The following LIPA variants were observed in gnomAD, a reference collection of about 807,000 sequenced individuals.
LIPA encodes the protein lysosomal acid lipase/cholesteryl ester hydrolase.
Under a neutral mutation model 40.6 loss-of-function variants are expected in LIPA, and 26 were observed. The ratio of observed to expected loss-of-function variants is 0.64; its 90% CI spans 0.47 to 0.89. The LOEUF (loss-of-function observed/expected upper bound fraction) is 0.89. LIPA is among the 40% of genes least tolerant of loss of function. The pLI, the probability that LIPA is intolerant of heterozygous loss-of-function variation, is 0.00. For synonymous variants in LIPA, 188 were observed against 168.4 expected (o/e 1.12, Z -0.90); for missense variants, 455 against 479.6 (o/e 0.95, Z 0.48).
intron 1 of LIPA, among the ~76,000 whole-genome samples, chr10:89,334,458 T>C (rs1843698311): frequency 1.3e-5 from 2 of 150,072 alleles, no homozygotes; most frequent in Non-Finnish European, 1.5e-5. Flanking sequence ...TATTCTGTTT[T>C]TTCTTCTTTT....
intron 2 of LIPA, chr10:89,403,175 CCAAA>C (rs1844467240): frequency 6.2e-7 from 1 of 1,613,756 alleles, no homozygotes; most frequent in East Asian, 2.2e-5. Context: ...CACAAATGAT[CCAAA>C]TCAAGGAGGC....
chr10:89,260,179 T>A (rs1330800928), intron 1 of LIPA, among the ~76,000 whole-genome samples: 2 of 152,200 alleles, frequency 1.3e-5, no homozygotes, highest in Non-Finnish European at 2.9e-5. Context: ...AACAGAGGTG[T>A]TTTCCGTTTC....
At chr10:89,402,464 C>A (rs201864858) in intron 2 of LIPA, 13 of 1,614,052 alleles carry the variant, frequency 8.1e-6, no homozygotes, top group Admixed American at 1.7e-5. Context: ...ATGTGAAACA[C>A]CTGAAAGGCC....
At chr10:89,365,723 CT>C (rs1844052218) in intron 2 of LIPA, among the ~76,000 whole-genome samples, 1 of 152,120 alleles carries the variant, frequency 6.6e-6, no homozygotes, top group Admixed American at 6.5e-5. Flanking sequence ...TTCCCCATTG[CT>C]TGTTTTTGTC....
At chr10:89,352,795 A>G (rs1411300079) in intron 2 of LIPA, among the ~76,000 whole-genome samples, 4 of 150,790 alleles carry the variant, frequency 2.7e-5, no homozygotes, top group Admixed American at 6.6e-5. Flanking sequence ...AGATAAAAAA[A>G]AAAAAAAAAA....
chr10:89,386,039 A>G (rs1371474174), intron 2 of LIPA, among the ~76,000 whole-genome samples: 1 of 152,170 alleles, frequency 6.6e-6, no homozygotes, highest in Non-Finnish European at 1.5e-5. Flanking sequence ...ATTTTTATTT[A>G]TTTATTAGAG....
At chr10:89,224,830 T>C (rs932055241) in intron 6 of LIPA, among the ~76,000 whole-genome samples, 3 of 152,216 alleles carry the variant, frequency 2.0e-5, no homozygotes, top group Non-Finnish European at 4.4e-5. Context: ...CAGACTCTCC[T>C]TGCTCTCCCT....
chr10:89,403,239 A>T (rs1338027386), intron 2 of LIPA: 2 of 1,614,218 alleles, frequency 1.2e-6, no homozygotes, highest in Non-Finnish European at 1.7e-6. Flanking sequence ...AGACAAAATG[A>T]TAAGATCAGC....
At chr10:89,369,691 C>T (rs1037335535) in intron 2 of LIPA, among the ~76,000 whole-genome samples, 11 of 152,120 alleles carry the variant, frequency 7.2e-5, no homozygotes, top group African/African-American at 2.7e-4. Context: ...GAGGTATTTG[C>T]GCCCTCTACT....
At position 89,215,979 on chromosome 10, in the gene LIPA, C is replaced by G; in HGVS notation, c.925G>C (p.Asp309His). The G allele has an allele frequency of 6.2e-7, 1 of 1,612,414 alleles. No homozygotes were observed. The highest frequency in any genetic ancestry group is 1.3e-5 in the African/African-American group (1 of 74,968). The change falls in exon 9 of 10, where the codon GAC becomes CAC. Residue 309 changes from aspartate to histidine, a missense_variant. Asp to His is a moderately conservative substitution (Grantham distance 81, BLOSUM62 -1). Coordinates refer to ENST00000336233, the MANE Select transcript of LIPA (RefSeq NM_000235.4). The stretch of plus-strand genomic sequence containing the variant: ...TAATTCTTGGCACTGCTTCCCCAGT[C>G]AAAGGCTTGAAACTTTTGGAATTTA... ...AVKFQKFQAF[D>H]WGSSAKNYFH...
chr10:89,317,846 C>T (rs1034040382), intron 1 of LIPA, among the ~76,000 whole-genome samples: 12 of 152,064 alleles, frequency 7.9e-5, no homozygotes, highest in Non-Finnish European at 1.6e-4. Context: ...AAAGGGAAGC[C>T]CATCAGACTA....
chr10:89,328,167 G>C (rs1843617287), intron 1 of LIPA: 2 of 1,243,672 alleles, frequency 1.6e-6, no homozygotes, highest in East Asian at 4.7e-5. Context: ...TTCCTGAATT[G>C]TCCTGATGTT....
intron 2 of LIPA, among the ~76,000 whole-genome samples, chr10:89,348,852 T>TA (rs1415043285): frequency 6.6e-6 from 1 of 152,206 alleles, no homozygotes; most frequent in African/African-American, 2.4e-5. Flanking sequence ...TGCTCCATCT[T>TA]ATGTCCAGAA....
chr10:89,319,085 G>C (rs1171380350), intron 1 of LIPA, among the ~76,000 whole-genome samples: 3 of 152,162 alleles, frequency 2.0e-5, no homozygotes, highest in African/African-American at 7.2e-5. Flanking sequence ...GAAATTTATA[G>C]CACTAAATGC....
intron 1 of LIPA, among the ~76,000 whole-genome samples, chr10:89,330,625 G>GA (rs1247678374): frequency 2.0e-5 from 3 of 152,168 alleles, no homozygotes; most frequent in African/African-American, 7.2e-5. Context: ...AAGGGAAAAG[G>GA]AAATTCATCC....
At chr10:89,255,292 C>T (rs1843175301), upstream of LIPA, among the ~76,000 whole-genome samples, 1 of 152,158 alleles carries the variant, frequency 6.6e-6, no homozygotes, top group Admixed American at 6.5e-5. Context: ...AAAGGCACGT[C>T]TTACATGGCA....
intron 2 of LIPA, among the ~76,000 whole-genome samples, chr10:89,408,248 G>T (rs968809201): frequency 5.9e-5 from 9 of 152,146 alleles, no homozygotes; most frequent in African/African-American, 2.2e-4. Flanking sequence ...CTCTGATGGG[G>T]AAAAATGGCC....
rs188863435 is a variant in LIPA, at chr10:89,327,910, G to A, written c.-2+14701C>T. The A allele has an allele frequency of 3.8e-4, 223 of 594,666 alleles. 1 individual carries two copies. The highest frequency in any genetic ancestry group is 3.7e-3 in the African/African-American group (194 of 51,852). 36.8% of individuals were successfully genotyped at this position (594,666 alleles called of 1,614,324 possible). A position where few individuals can be genotyped will look rare whatever the true frequency, so the allele number is the denominator to read the frequency against. On this transcript the variant is annotated intron_variant, in intron 1 of 5. Transcript: ENST00000282673. Reference sequence around the variant, plus strand: ...CAGTTTCCTCTTCCTTCCCCTAAAAGCAATTACTCAAAAACGGAGAAAACA... The same window carrying A: ...CAGTTTCCTCTTCCTTCCCCTAAAAACAATTACTCAAAAACGGAGAAAACA...
At chr10:89,290,609 G>A (rs1195321578) in intron 1 of LIPA, among the ~76,000 whole-genome samples, 2 of 152,192 alleles carry the variant, frequency 1.3e-5, no homozygotes, top group Non-Finnish European at 1.5e-5. Flanking sequence ...AAAACGTCCT[G>A]TCCCTGCCTT....
Sources: allele counts gnomAD v4.1 joint callset (sites outside exome capture counted in the v4.1 genomes callset), GRCh38; gene constraint gnomAD v4.1.1; transcripts MANE v1.5; gene names NCBI Gene and HGNC (gene_info 2026-07-23, HGNC 2026-07-21).